ZNF883: variants seen among roughly 807,000 people sequenced by gnomAD.
The protein encoded by ZNF883 is zinc finger protein 883.
intron 2 of ZNF883, among the ~76,000 whole-genome samples, chr9:113,008,572 T>C (rs1828500918): frequency 6.6e-6 from 1 of 152,202 alleles, no homozygotes; most frequent in African/African-American, 2.4e-5. Context: ...TGTTGATGGA[T>C]ATTAGATCAT....
At chr9:113,004,813 C>T in intron 2 of ZNF883, among the ~76,000 whole-genome samples, 1 of 150,200 alleles carries the variant, frequency 6.7e-6, no homozygotes, top group Non-Finnish European at 1.5e-5. Flanking sequence ...GATATCCAAA[C>T]ATATTCTATA....
chr9:112,990,948 G>A (rs556629728), intron 1 of ZNF883, among the ~76,000 whole-genome samples: 21 of 151,976 alleles, frequency 1.4e-4, no homozygotes, highest in Non-Finnish European at 2.1e-4. Context: ...CTGTGGGGTC[G>A]GGGTGATATC....
chr9:112,990,382 T>C (rs2118596025), intron 1 of ZNF883, among the ~76,000 whole-genome samples: 1 of 152,354 alleles, frequency 6.6e-6, no homozygotes, highest in South Asian at 2.1e-4. Context: ...CATGTGGTTT[T>C]TGTCTTTAGT....
chr9:112,993,194 T>G (rs1391569626), downstream of ZNF883, among the ~76,000 whole-genome samples: 5 of 152,258 alleles, frequency 3.3e-5, no homozygotes, highest in African/African-American at 4.8e-5. Context: ...TTGTTGATTC[T>G]TTCTCATTTC....
chr9:112,997,898 C>G, exon 1 of ZNF883: 1 of 1,613,784 alleles, frequency 6.2e-7, no homozygotes, highest in Admixed American at 1.7e-5. Flanking sequence ...GGGTTTTTCT[C>G]CAGTATGGAT....
chr9:112,995,936 C>A (rs1828349544), downstream of ZNF883, among the ~76,000 whole-genome samples: 1 of 152,028 alleles, frequency 6.6e-6, no homozygotes, highest in African/African-American at 2.4e-5. Context: ...ATGAAATCTA[C>A]CTTTTGTAAC....
At chr9:112,990,527 T>C (rs975149922) in intron 1 of ZNF883, among the ~76,000 whole-genome samples, 2 of 152,342 alleles carry the variant, frequency 1.3e-5, no homozygotes, top group South Asian at 4.1e-4. Flanking sequence ...AGTATTTTAT[T>C]GAAAATTTTT....
chr9:112,997,010 G>A (rs1828364865), downstream of ZNF883: 2 of 993,360 alleles, frequency 2.0e-6, no homozygotes, highest in Non-Finnish European at 2.9e-6. Flanking sequence ...TTAAGTAAAT[G>A]AGTGTTTTGC....
intron 2 of ZNF883, among the ~76,000 whole-genome samples, chr9:113,006,775 C>T (rs141480265): frequency 2.9e-3 from 447 of 152,240 alleles, no homozygotes; most frequent in African/African-American, 0.01. Context: ...TCTTCTACAG[C>T]TAAGCCATTA....
At chr9:112,994,484 T>C (rs1250218101), downstream of ZNF883, among the ~76,000 whole-genome samples, 8 of 151,978 alleles carry the variant, frequency 5.3e-5, no homozygotes, top group South Asian at 1.7e-3. Context: ...TATATCTTAA[T>C]AGAGATGTCA....
downstream of ZNF883, among the ~76,000 whole-genome samples, chr9:112,994,021 G>A (rs887715254): frequency 2.0e-5 from 3 of 152,088 alleles, no homozygotes; most frequent in Admixed American, 2.0e-4. Context: ...CTTCCCGCAG[G>A]AACTCAGCAG....
chr9:113,010,659 A>T (rs1828524203), intron 2 of ZNF883, among the ~76,000 whole-genome samples: 1 of 152,196 alleles, frequency 6.6e-6, no homozygotes, highest in Admixed American at 6.5e-5. Flanking sequence ...CATGTTACAC[A>T]TGATGAATAT....
downstream of ZNF883, among the ~76,000 whole-genome samples, chr9:112,996,018 T>C (rs1828350343): frequency 6.6e-6 from 1 of 152,170 alleles, no homozygotes; most frequent in Admixed American, 6.5e-5. Flanking sequence ...TTCTTTTTCC[T>C]TTCTGAATTC....
chr9:113,008,179 C>T (rs562877352), intron 2 of ZNF883, among the ~76,000 whole-genome samples: 1 of 152,322 alleles, frequency 6.6e-6, no homozygotes, highest in Non-Finnish European at 1.5e-5. Context: ...CATGTTTACA[C>T]ATGCAAATTA....
downstream of ZNF883, chr9:112,997,040 A>C (rs1292641375): frequency 8.0e-6 from 11 of 1,376,014 alleles, no homozygotes; most frequent in Middle Eastern, 2.6e-4. Flanking sequence ...TCCTCACATA[A>C]CAATCCTAGG....
chr9:113,010,391 A>G (rs1321656075), intron 2 of ZNF883, among the ~76,000 whole-genome samples: 1 of 152,212 alleles, frequency 6.6e-6, no homozygotes, highest in African/African-American at 2.4e-5. Context: ...CTCGTAAGTG[A>G]GCATCTTGCT....
intron 2 of ZNF883, among the ~76,000 whole-genome samples, chr9:113,008,080 C>A (rs907535151): frequency 6.6e-6 from 1 of 152,082 alleles, no homozygotes; most frequent in African/African-American, 2.4e-5. Flanking sequence ...GACATAAATT[C>A]TTCATAAATT....
upstream of ZNF883, chr9:112,998,359 A>G: frequency 1.0e-6 from 1 of 965,018 alleles, no homozygotes; most frequent in Non-Finnish European, 1.4e-6. Context: ...GTAAAGTTTG[A>G]GATACAAATG....
chr9:113,001,504 G>C (rs1377761637), upstream of ZNF883, among the ~76,000 whole-genome samples: 1 of 152,082 alleles, frequency 6.6e-6, no homozygotes, highest in Non-Finnish European at 1.5e-5. Context: ...GCTTCTACTA[G>C]ATGAATGCAG....
Sources: gnomAD v4.1 joint callset for allele counts (sites outside exome capture counted in the v4.1 genomes callset) on GRCh38, gnomAD v4.1.1 for gene constraint, MANE v1.5 for transcripts, NCBI Gene and HGNC (gene_info 2026-07-23, HGNC 2026-07-21) for gene names.